Variants in VPS28 observed in about 807,000 individuals in gnomAD.
VPS28 encodes the protein vacuolar protein sorting-associated protein 28 homolog.
Under a neutral mutation model 33.7 loss-of-function variants are expected in VPS28, and 29 were observed. The ratio of observed to expected loss-of-function variants is 0.86; its 90% confidence interval spans 0.64 to 1.17. The LOEUF (loss-of-function observed/expected upper bound fraction) is 1.17, where lower values mean the gene tolerates loss of function less well. Among genes scored for constraint, VPS28 ranks in the 50% most tolerant of loss-of-function variants. The pLI, the probability that VPS28 is intolerant of heterozygous loss-of-function variation, is 0.00. For missense variants in VPS28, 247 were observed against 312.2 expected (o/e 0.79, Z 1.57); for synonymous variants, 164 against 116.7 (o/e 1.40, Z -2.61).
chr8:144,425,178 C>T (rs1418264581), intron 5 of VPS28, 127 bp from the exon 6 acceptor site: 2 of 794,558 alleles, frequency 2.5e-6, no homozygotes, highest in African/African-American at 3.4e-5. Context: ...GCAGGCCGAG[C>T]AAGGAGGAGG....
chr8:144,427,401 A>G, intron 1 of VPS28: 1 of 160,102 alleles, frequency 6.2e-6, no homozygotes, highest in South Asian at 1.5e-4. Context: ...CCTAAGCTCA[A>G]TAATGGTGAA....
At position 144,424,930 on chromosome 8, in the gene VPS28, A is replaced by G; in HGVS notation, c.300+16T>C. The G allele has an allele frequency of 1.3e-6, 2 of 1,597,672 alleles. No individual in the cohort carries two copies. Among genetic ancestry groups the G allele is most frequent in the Non-Finnish European group, 1.7e-6 (2 of 1,171,630 alleles). Reference sequence around the variant, plus strand: ...GACAGTCTCGCCCCATGGGGGTGGAAGGACCAGGCACTCACGCGGAACTTG... The same window carrying G: ...GACAGTCTCGCCCCATGGGGGTGGAGGGACCAGGCACTCACGCGGAACTTG... On this transcript the variant is annotated intron_variant, in intron 6 of 9. Transcript: ENST00000292510.
Position 144,423,861 on chromosome 8 carries a change from T to C in VPS28, c.610A>G (p.Met204Val). 1 of 1,613,152 alleles carries C rather than the reference T, an allele frequency of 6.2e-7. No individual in the cohort carries two copies. The highest frequency in any genetic ancestry group is 8.5e-7 in the Non-Finnish European group (1 of 1,180,038). The part of the protein sequence containing the change: ...DELDDSQVRQ[M>V]LFDLESAYNA... ...TAGGCTGACTCCAGGTCGAACAGCA[T>C]CTGACGCACCTGTGAGTCGTCCAGC... Residue 204 changes from methionine to valine, a missense_variant, in exon 10 of 10, where the codon ATG (methionine) becomes GTG (valine). Coordinates refer to ENST00000292510, the MANE Select transcript of VPS28 (RefSeq NM_016208.4).
chr8:144,426,130 C>T, intron 3 of VPS28, 50 bp downstream of exon 3: 1 of 1,585,810 alleles, frequency 6.3e-7, no homozygotes, highest in Non-Finnish European at 8.6e-7. Flanking sequence ...TGAGGCCACA[C>T]AGGCATTTGC....
In VPS28 at chr8:144,426,958, G is replaced by C. The variant is rs191313048; in HGVS notation, c.-13C>G. 6 of 1,604,362 alleles carry C rather than the reference G, an allele frequency of 3.7e-6. No homozygotes were observed. Among genetic ancestry groups the C allele is most frequent in the Admixed American group, 1.7e-5 (1 of 59,484 alleles). ...TCCCATGAAACATCCTCTAGGCTCT[G>C]GGGGGGGCACAGCACTGAGACCTGG... On this transcript the variant is annotated 5_prime_UTR_variant, in exon 2 of 10. Transcript: ENST00000292510.
intron 7 of VPS28, 90 bp downstream of exon 7, chr8:144,424,628 G>T: frequency 2.2e-6 from 3 of 1,378,364 alleles, no homozygotes; most frequent in Non-Finnish European, 3.1e-6. Flanking sequence ...GTGCTGCTCA[G>T]CTCTGGAGGC....
intron 7 of VPS28, 49 bp from the exon 8 acceptor site, chr8:144,424,317 G>A (rs782648966): frequency 2.6e-6 from 4 of 1,539,966 alleles, no homozygotes; most frequent in Non-Finnish European, 3.5e-6. Context: ...GGTGCGGGAG[G>A]CCCCACGGCT....
intron 2 of VPS28, chr8:144,426,409 CG>C: frequency 3.0e-6 from 2 of 658,494 alleles, no homozygotes; most frequent in Middle Eastern, 4.3e-4. Flanking sequence ...TCTGAGAAGC[CG>C]GGGGCCGCAT....
chr8:144,425,796 G>A (rs782287331), intron 4 of VPS28, 24 bp from the exon 5 acceptor site: 2 of 1,613,388 alleles, frequency 1.2e-6, no homozygotes, highest in South Asian at 2.2e-5. Flanking sequence ...TGTCTATCGG[G>A]CCAGGCCCCG....
chr8:144,425,688 G>A lies in VPS28; in HGVS notation c.189C>T (p.Pro63=), dbSNP rs1347237408. Residue 63 remains proline (P), a synonymous_variant, in exon 5 of 10, where the codon CCC becomes CCT. Coordinates refer to ENST00000292510, the MANE Select transcript of VPS28 (RefSeq NM_016208.4). ...EKAYIKDCVS[P]SEYTAACSRL... is the part of the protein sequence containing the mutation. Reference sequence around the variant, plus strand: ...CCCAGGACGTGGGCTCTTACTCGCTGGGGGAGACACAGTCCTTGATGTAGG... The same window carrying A: ...CCCAGGACGTGGGCTCTTACTCGCTAGGGGAGACACAGTCCTTGATGTAGG... The A allele has an allele frequency of 3.7e-6, 6 of 1,613,652 alleles. No individual in the cohort carries two copies. In the East Asian group the frequency reaches 6.7e-5, roughly 18 times the overall value.
chr8:144,427,247 C>T (rs1822829466), intron 1 of VPS28: 1 of 272,158 alleles, frequency 3.7e-6, no homozygotes, highest in Non-Finnish European at 7.2e-6. Flanking sequence ...TTCAATGAGC[C>T]AAGACCGAGC....
rs1424395982 is a variant in VPS28, at chr8:144,428,512, A to G, written c.-58T>C. The stretch of plus-strand genomic sequence containing the variant: ...ACCTGGACGGCTCGCGGTCGGGAAG[A>G]TGGCGCCGGGGGCGGGGTGCGCTCG... On this transcript the variant is annotated 5_prime_UTR_variant, in exon 1 of 10. Transcript: ENST00000292510. 6.6e-6 allele frequency: 1 copy of G among 152,118 alleles called. No homozygotes were observed. Among genetic ancestry groups the G allele is most frequent in the African/African-American group, 2.4e-5 (1 of 41,426 alleles). The allele number at this position is 152,118 out of a possible 1,614,324, so 9.4% of individuals were successfully genotyped here.
At chr8:144,425,272 AC>A in intron 5 of VPS28, 2 of 592,118 alleles carry the variant, frequency 3.4e-6, no homozygotes, top group South Asian at 2.0e-5. Flanking sequence ...CCGGCCCCCA[AC>A]CCCTGCCCAC....
intron 2 of VPS28, 82 bp downstream of exon 2, chr8:144,426,827 A>G: frequency 6.6e-7 from 1 of 1,521,506 alleles, no homozygotes; most frequent in South Asian, 1.2e-5. Context: ...ATACCTCCCC[A>G]CCCCCGATCC....
rs1554875829 is a variant in VPS28 at position 144,423,919 on chromosome 8, C to CA, written c.551dup (p.Gln185AlafsTer11). 6.2e-7 allele frequency: 1 copy of CA among 1,613,134 alleles called. No homozygotes were observed. Among genetic ancestry groups the CA allele is most frequent in the Admixed American group, 1.7e-5 (1 of 60,016 alleles). Reference sequence around the variant, plus strand: ...ACGCCGACATGCCGCTCAGGGTCTGCAGCCTGGGAGTGCAGCACAGGGCAT... The same window carrying CA: ...ACGCCGACATGCCGCTCAGGGTCTGCAAGCCTGGGAGTGCAGCACAGGGCAT... On this transcript the variant is annotated frameshift_variant, in exon 10 of 10. Transcript: ENST00000292510. LOFTEE classifies it high-confidence loss of function.
rs1487731235 is a variant in VPS28 at position 144,424,046 on chromosome 8, G to C, written c.543C>G (p.Ser181Arg). The C allele has an allele frequency of 1.3e-6, 2 of 1,582,552 alleles. No homozygotes were observed. The highest frequency in any genetic ancestry group is 1.7e-6 in the Non-Finnish European group (2 of 1,160,870). ...TGGCTGGGAGGGACACCCACCACTG[G>C]CTGACCGTCTGGCGGCCCTCAAAGT... ...PPDFEGRQTV[S>R]QWLQTLSGMS... Residue 181 changes from serine (S) to arginine (R), a missense_variant, in exon 9 of 10, where the codon AGC becomes AGG. This residue lies in a region of VPS28 where 95 missense variants were observed against 118.3 expected (regional missense o/e 0.80). Transcript: ENST00000292510.
In VPS28 at chr8:144,425,216, C is replaced by T. The variant is rs552542145; in HGVS notation, c.195-165G>A. 44 of 639,272 alleles carry T rather than the reference C, an allele frequency of 6.9e-5. No individual in the cohort carries two copies. The East Asian group carries it at 1.2e-3, about 17-fold the overall frequency. 39.6% of individuals were successfully genotyped at this position (639,272 alleles called of 1,614,324 possible). A position where few individuals can be genotyped will look rare whatever the true frequency, so the allele number is the denominator to read the frequency against. ...CTGCTAGTAGCTTTTGGGGGTGAGG[C>T]CCTGAGCACGTAGTGGGGCTTGTAG... On this transcript the variant is annotated intron_variant, in intron 5 of 9. Coordinates refer to ENST00000292510, the MANE Select transcript of VPS28 (RefSeq NM_016208.4).
chr8:144,425,167 G>A, intron 5 of VPS28, 116 bp from the exon 6 acceptor site: 2 of 893,072 alleles, frequency 2.2e-6, no homozygotes, highest in Non-Finnish European at 3.5e-6. Flanking sequence ...GACAGGCAAA[G>A]GCAGGCCGAG....
At chr8:144,427,013 G>GC in intron 1 of VPS28, 34 bp from the exon 2 acceptor site, 1 of 1,551,500 alleles carries the variant, frequency 6.4e-7, no homozygotes, top group Non-Finnish European at 8.7e-7. Flanking sequence ...CTCAAAGATG[G>GC]CCCCTAAGCC....
Sources: allele counts gnomAD v4.1 joint callset, GRCh38; gene constraint gnomAD v4.1.1; regional missense constraint gnomAD v4.1.1; transcripts MANE v1.5; gene names NCBI Gene and HGNC (gene_info 2026-07-23, HGNC 2026-07-21).